Variants in AOAH observed in about 807,000 individuals in gnomAD.
The protein encoded by AOAH is acyloxyacyl hydrolase (neutrophil).
A neutral mutation model predicts 92.2 loss-of-function variants in AOAH; 64 were observed. The observed-to-expected ratio is 0.69, with a 90% CI of 0.57 to 0.86. The LOEUF (loss-of-function observed/expected upper bound fraction) is 0.86. AOAH is among the 40% of genes least tolerant of loss of function. The probability of loss-of-function intolerance (pLI) is 0.00; values close to 1 mark genes in which losing one functional copy is unlikely to be tolerated. For synonymous variants in AOAH, 263 were observed against 254.5 expected (o/e 1.03, Z -0.32); for missense variants, 656 against 694.6 (o/e 0.94, Z 0.62).
At chr7:36,718,370 T>C (rs1160274819) in intron 1 of AOAH, among the ~76,000 whole-genome samples, 9 of 152,196 alleles carry the variant, frequency 5.9e-5, no homozygotes, top group Non-Finnish European at 1.2e-4. Context: ...TGTAAAATGG[T>C]GCAGCTGCTT....
chr7:36,716,020 C>G (rs1163091150), intron 1 of AOAH, among the ~76,000 whole-genome samples: 1 of 151,808 alleles, frequency 6.6e-6, no homozygotes, highest in South Asian at 2.1e-4. Flanking sequence ...AAAGAAACTA[C>G]CATCAGAGTG....
chr7:36,606,538 T>C (rs1341624530), intron 11 of AOAH, among the ~76,000 whole-genome samples: 2 of 152,130 alleles, frequency 1.3e-5, no homozygotes, highest in Non-Finnish European at 2.9e-5. Context: ...ATTTGGGAAA[T>C]TGTATTTCAG....
Position 36,514,442 on chromosome 7 carries a change from C to T in AOAH, c.1600-1062G>A, listed in dbSNP as rs373669032. 6.4e-5 allele frequency: 94 copies of T among 1,480,302 alleles called. No individual in the cohort carries two copies. The East Asian group carries it at 2.1e-3, about 33-fold the overall frequency. The allele number at this position is 1,480,302 out of a possible 1,614,324, so 91.7% of individuals were successfully genotyped here. A position where few individuals can be genotyped will look rare whatever the true frequency, so the allele number is the denominator to read the frequency against. On this transcript the variant is annotated intron_variant, in intron 20 of 20. Coordinates refer to ENST00000617537, the MANE Select transcript of AOAH (RefSeq NM_001637.4). ...TCCTTAGCTTAATACACAGCAGGCT[C>T]GACTCTGGCTTTCCCAGCCTGAGGC... is the stretch of plus-strand genomic sequence containing the variant.
At chr7:36,636,577 C>A (rs1234841963) in intron 5 of AOAH, among the ~76,000 whole-genome samples, 1 of 152,188 alleles carries the variant, frequency 6.6e-6, no homozygotes, top group Non-Finnish European at 1.5e-5. Flanking sequence ...ATTAGCTCAA[C>A]GGGCTACTGT....
rs192388072 is a variant in AOAH, at chr7:36,633,994, C to A, written c.451-1888G>T. On this transcript the variant is annotated intron_variant, in intron 5 of 20. Transcript: ENST00000617537. ...CTGCCTCCAGACACTGCCAAATGTC[C>A]CCAGGGTGGGAGCAAGGGGCAATAT... 1.6e-3 allele frequency among the ~76,000 whole-genome samples: 237 copies of A among 152,196 alleles called. 1 individual carries two copies. The highest frequency in any genetic ancestry group is 5.4e-3 in the African/African-American group (225 of 41,528).
chr7:36,571,814 T>C (rs1468878898), intron 13 of AOAH, among the ~76,000 whole-genome samples: 1 of 152,196 alleles, frequency 6.6e-6, no homozygotes, highest in Non-Finnish European at 1.5e-5. Flanking sequence ...ACAGGCCTTA[T>C]TATTATTAAC....
At chr7:36,517,214 C>CTTTCTTTCTTTTTTTCTT (rs59205788) in intron 20 of AOAH, among the ~76,000 whole-genome samples, 3 of 104,830 alleles carry the variant, frequency 2.9e-5, no homozygotes, top group Admixed American at 1.0e-4. Context: ...TTCTTTCTTT[C>CTTTCTTTCTTTTTTTCTT]TCTTTCTTTC....
chr7:36,594,348 G>T lies in AOAH; in HGVS notation c.929C>A (p.Ser310Tyr). The change falls in exon 12 of 21, where the codon TCC (serine) becomes TAC (tyrosine). Residue 310 changes from serine (S) to tyrosine (Y), a missense_variant. By Grantham distance (144) the Ser-to-Tyr change is moderately radical. Coordinates refer to ENST00000617537, the MANE Select transcript of AOAH (RefSeq NM_001637.4). ...QLSGATGFLDSTVGIKEKSIY... is the reference protein window; with the variant it reads ...QLSGATGFLDYTVGIKEKSIY... ...GCACAAAGACACTTACCCAACAGTG[G>T]AGTCCAGAAATCCTGTAGCACCAGA... 6.2e-7 allele frequency: 1 copy of T among 1,613,544 alleles called. No homozygotes were observed. Among genetic ancestry groups the T allele is most frequent in the Non-Finnish European group, 8.5e-7 (1 of 1,179,466 alleles).
chr7:36,631,256 A>C (rs1032505302), intron 6 of AOAH, among the ~76,000 whole-genome samples: 7 of 151,924 alleles, frequency 4.6e-5, no homozygotes, highest in Admixed American at 1.3e-4. Flanking sequence ...CTGAGGCAGG[A>C]GAATTGCTTG....
Position 36,540,337 on chromosome 7 carries a change from T to C in AOAH, c.1288A>G (p.Asn430Asp). The C allele has an allele frequency of 6.2e-7, 1 of 1,613,106 alleles. No individual in the cohort carries two copies. The highest frequency in any genetic ancestry group is 8.5e-7 in the Non-Finnish European group (1 of 1,179,568). ...CTGATACCGAGAGGATGATATCTGT[T>C]GTGCAAATTATCCCAGAGAAAGGTT... Reference protein sequence around the residue: ...DGTFLWDNLHNRYHPLGQLNK... With the variant: ...DGTFLWDNLHDRYHPLGQLNK... Residue 430 changes from asparagine (N) to aspartate (D), a missense_variant, in exon 16 of 21, where the codon AAC (asparagine) becomes GAC (aspartate). Coordinates refer to ENST00000617537, the MANE Select transcript of AOAH (RefSeq NM_001637.4).
intron 13 of AOAH, among the ~76,000 whole-genome samples, chr7:36,568,423 C>T (rs1395609835): frequency 6.6e-6 from 1 of 152,186 alleles, no homozygotes; most frequent in African/African-American, 2.4e-5. Context: ...TTTGGTGCCT[C>T]TCAACAGCCA....
chr7:36,708,145 C>CT (rs1554324283), intron 1 of AOAH, among the ~76,000 whole-genome samples: 1 of 30,546 alleles, frequency 3.3e-5, no homozygotes, highest in South Asian at 3.6e-3. Flanking sequence ...AGACTTTTTG[C>CT]TCCTCCTCTC....
chr7:36,594,312 T>C (rs1789946058), intron 12 of AOAH, 27 bp downstream of exon 12: 2 of 1,557,530 alleles, frequency 1.3e-6, no homozygotes, highest in South Asian at 2.2e-5. Flanking sequence ...GGTATTGAAA[T>C]GTCTGAGGGT....
intron 15 of AOAH, 93 bp from the exon 16 acceptor site, chr7:36,540,584 A>ACG: frequency 1.8e-6 from 2 of 1,092,634 alleles, no homozygotes; most frequent in African/African-American, 1.6e-5. Context: ...ACACACACAT[A>ACG]CGCACACACA....
intron 3 of AOAH, among the ~76,000 whole-genome samples, chr7:36,664,918 G>T (rs73344035): frequency 6.6e-6 from 1 of 152,126 alleles, no homozygotes; most frequent in African/African-American, 2.4e-5. Flanking sequence ...GAGGGGGAAA[G>T]TACCACACTC....
At chr7:36,591,393 T>C (rs115464870) in intron 12 of AOAH, among the ~76,000 whole-genome samples, 1 of 152,176 alleles carries the variant, frequency 6.6e-6, no homozygotes, top group Admixed American at 6.5e-5. Context: ...GAACCGAATA[T>C]AAAAAGGTAC....
intron 11 of AOAH, among the ~76,000 whole-genome samples, chr7:36,599,351 A>C (rs1221256731): frequency 6.6e-6 from 1 of 152,210 alleles, no homozygotes. Context: ...TCCCTCATTC[A>C]TCTGATTCTG....
chr7:36,515,913 C>T (rs1425004013), intron 20 of AOAH, among the ~76,000 whole-genome samples: 21 of 145,890 alleles, frequency 1.4e-4, no homozygotes, highest in Non-Finnish European at 6.1e-5. Flanking sequence ...CACAACCCCA[C>T]ACCACACACA....
At chr7:36,554,724 G>C (rs1368899917) in intron 13 of AOAH, among the ~76,000 whole-genome samples, 32 of 150,832 alleles carry the variant, frequency 2.1e-4, no homozygotes, top group African/African-American at 7.3e-4. Context: ...GGATTCCTAA[G>C]TATTTTATTC....
Sources: allele counts gnomAD v4.1 joint callset (sites outside exome capture counted in the v4.1 genomes callset), GRCh38; gene constraint gnomAD v4.1.1; transcripts MANE v1.5; gene names NCBI Gene and HGNC (gene_info 2026-07-23, HGNC 2026-07-21).